Variants in PTPRO observed in about 807,000 individuals in gnomAD.
The protein encoded by PTPRO is protein tyrosine phosphatase receptor type O.
In PTPRO, 62 loss-of-function variants were observed where a neutral mutation model predicts 145.2. The observed-to-expected ratio is 0.43, with a 90% CI of 0.35 to 0.53. PTPRO has a LOEUF of 0.53. Among genes scored for constraint, PTPRO ranks in the 20% least tolerant of loss-of-function variants. The probability of loss-of-function intolerance (pLI) is 0.01; values close to 1 mark genes in which losing one functional copy is unlikely to be tolerated. For synonymous variants in PTPRO, 565 were observed against 514.7 expected, an observed-to-expected ratio of 1.10 and a Z score of -1.32; for missense variants, 1,345 against 1,482.7, an observed-to-expected ratio of 0.91 and a Z score of 1.53.
At chr12:15,589,237 A>G (rs1214457329) in intron 24 of PTPRO, among the ~76,000 whole-genome samples, 2 of 152,132 alleles carry the variant, frequency 1.3e-5, no homozygotes, top group Non-Finnish European at 2.9e-5. Context: ...TTAGCCAGGA[A>G]TGGTGGCACA....
At chr12:15,340,150 C>T (rs960314736) in intron 1 of PTPRO, among the ~76,000 whole-genome samples, 6 of 152,090 alleles carry the variant, frequency 3.9e-5, no homozygotes, top group African/African-American at 1.2e-4. Context: ...CTTATACACT[C>T]CTATATATTA....
rs1367633201 is a variant in PTPRO, at chr12:15,422,546, G to A, written c.76-61428G>A. Among the ~76,000 whole-genome samples, 3 of 152,214 alleles carry A rather than the reference G, an allele frequency of 2.0e-5. No individual in the cohort carries two copies. The East Asian group carries it at 5.8e-4, about 29-fold the overall frequency. On this transcript the variant is annotated intron_variant, in intron 1 of 26. Transcript: ENST00000281171. ...AGAAAAGGCCACGGGATAAAGTTCGGACAAAATACATTTTTTCTATTCCTC... is the reference window on the plus strand; with the variant it reads ...AGAAAAGGCCACGGGATAAAGTTCGAACAAAATACATTTTTTCTATTCCTC...
At chr12:15,519,526 A>C (rs1648561215) in intron 9 of PTPRO, among the ~76,000 whole-genome samples, 1 of 152,232 alleles carries the variant, frequency 6.6e-6, no homozygotes, top group Non-Finnish European at 1.5e-5. Context: ...TAAGCACAGA[A>C]TAGAGCAATC....
At chr12:15,435,673 A>G (rs1482784459) in intron 1 of PTPRO, among the ~76,000 whole-genome samples, 7 of 148,276 alleles carry the variant, frequency 4.7e-5, no homozygotes. Context: ...CTTTCTCTTG[A>G]TTGAGAATTT....
chr12:15,551,810 T>C, intron 15 of PTPRO, 139 bp downstream of exon 15: 1 of 897,328 alleles, frequency 1.1e-6, no homozygotes, highest in Non-Finnish European at 1.7e-6. Flanking sequence ...ATTGTGTGTG[T>C]TTTCTAAATA....
intron 16 of PTPRO, among the ~76,000 whole-genome samples, chr12:15,558,101 AT>A (rs1591733403): frequency 6.6e-6 from 1 of 151,758 alleles, no homozygotes; most frequent in Non-Finnish European, 1.5e-5. Context: ...AATCTGGCTA[AT>A]TTTTAGATAT....
chr12:15,501,014 C>T (rs1942210586), intron 4 of PTPRO, among the ~76,000 whole-genome samples: 1 of 152,214 alleles, frequency 6.6e-6, no homozygotes, highest in African/African-American at 2.4e-5. Context: ...AGAGACTACG[C>T]AGTGCGTCTT....
chr12:15,357,424 T>G (rs1413835407), intron 1 of PTPRO, among the ~76,000 whole-genome samples: 1 of 152,226 alleles, frequency 6.6e-6, no homozygotes, highest in East Asian at 1.9e-4. Context: ...TAAGAAAATA[T>G]TTTCAAATCA....
chr12:15,538,392 T>C (rs537944211), intron 12 of PTPRO, among the ~76,000 whole-genome samples: 3 of 152,066 alleles, frequency 2.0e-5, no homozygotes, highest in Non-Finnish European at 4.4e-5. Context: ...GCCTGGCTAA[T>C]TTTTGTATTT....
At chr12:15,372,210 C>A (rs190491526) in intron 1 of PTPRO, among the ~76,000 whole-genome samples, 108 of 152,230 alleles carry the variant, frequency 7.1e-4, no homozygotes, top group African/African-American at 2.6e-3. Context: ...CATTTATATA[C>A]CCTGAAAATA....
At chr12:15,343,653 C>A (rs1442020446) in intron 1 of PTPRO, among the ~76,000 whole-genome samples, 2 of 152,104 alleles carry the variant, frequency 1.3e-5, no homozygotes, top group Non-Finnish European at 2.9e-5. Flanking sequence ...TGCCAGTGCA[C>A]TCCAGACAAG....
At chr12:15,324,704 G>A (rs1866396909) in intron 1 of PTPRO, among the ~76,000 whole-genome samples, 1 of 152,046 alleles carries the variant, frequency 6.6e-6, no homozygotes, top group Non-Finnish European at 1.5e-5. Context: ...AACTATATCA[G>A]AGGAAAGAAG....
At chr12:15,472,748 T>C (rs1941570333) in intron 1 of PTPRO, among the ~76,000 whole-genome samples, 2 of 152,196 alleles carry the variant, frequency 1.3e-5, no homozygotes, top group Non-Finnish European at 2.9e-5. Context: ...TGGGCTTTAT[T>C]CACTCGTGTC....
intron 18 of PTPRO, among the ~76,000 whole-genome samples, chr12:15,567,997 C>A (rs77648621): frequency 0.045 from 6,874 of 152,206 alleles, 493 homozygotes; most frequent in African/African-American, 0.15. Flanking sequence ...AAAAACATTT[C>A]AGTTTAAAGG....
At chr12:15,391,522 A>C (rs1939188071) in intron 1 of PTPRO, among the ~76,000 whole-genome samples, 1 of 152,174 alleles carries the variant, frequency 6.6e-6, no homozygotes, top group Admixed American at 6.5e-5. Context: ...AGACCTGGAA[A>C]CACAGATATT....
At chr12:15,492,981 T>C (rs1166880908) in intron 2 of PTPRO, among the ~76,000 whole-genome samples, 2 of 152,174 alleles carry the variant, frequency 1.3e-5, no homozygotes, top group Non-Finnish European at 2.9e-5. Context: ...AAGTACCTAA[T>C]AGAGTAATTC....
intron 1 of PTPRO, among the ~76,000 whole-genome samples, chr12:15,360,232 A>G (rs1307061957): frequency 1.3e-5 from 2 of 152,220 alleles, no homozygotes; most frequent in Non-Finnish European, 1.5e-5. Context: ...GGAGCTTATC[A>G]GTGTGGCTCA....
At chr12:15,513,218 AAAGAAAGAAAAG>A (rs1199594372) in intron 7 of PTPRO, among the ~76,000 whole-genome samples, 3 of 132,718 alleles carry the variant, frequency 2.3e-5, no homozygotes, top group South Asian at 2.7e-4. Context: ...AGAAAGAAAG[AAAGAAAGAAAAG>A]AAAGAAAGAG....
Position 15,597,465 on chromosome 12 carries a change from C to T in PTPRO, c.*1392C>T, listed in dbSNP as rs1006399213. The T allele has an allele frequency of 6.6e-6, 1 of 152,262 alleles. No individual in the cohort carries two copies. Among genetic ancestry groups the T allele is most frequent in the East Asian group, 1.9e-4 (1 of 5,196 alleles). 9.4% of individuals were successfully genotyped at this position (152,262 alleles called of 1,614,324 possible). A position where few individuals can be genotyped will look rare whatever the true frequency, so the allele number is the denominator to read the frequency against. On this transcript the variant is annotated 3_prime_UTR_variant, in exon 27 of 27. Transcript: ENST00000281171. Reference sequence around the variant, plus strand: ...CTCCTCTTCATGCACCCGACACTGCCCCTTCCCTGGCTTCCCTCCATCCCT... The same window carrying T: ...CTCCTCTTCATGCACCCGACACTGCTCCTTCCCTGGCTTCCCTCCATCCCT...
Sources: allele counts gnomAD v4.1 joint callset (sites outside exome capture counted in the v4.1 genomes callset), GRCh38; gene constraint gnomAD v4.1.1; transcripts MANE v1.5; gene names NCBI Gene and HGNC (gene_info 2026-07-23, HGNC 2026-07-21).